RNPEP: variants seen among roughly 807,000 people sequenced by gnomAD.
RNPEP encodes arginyl aminopeptidase.
In RNPEP, 57 loss-of-function variants were observed where a neutral mutation model predicts 70.1. The ratio of observed to expected loss-of-function variants is 0.81; its 90% confidence interval spans 0.66 to 1.01. The LOEUF (loss-of-function observed/expected upper bound fraction) is 1.01. Among genes scored for constraint, RNPEP ranks in the 50% least tolerant of loss-of-function variants. The pLI, the probability that RNPEP is intolerant of heterozygous loss-of-function variation, is 0.00. For synonymous variants in RNPEP, 335 were observed against 357.4 expected, an observed-to-expected ratio of 0.94 and a Z score of 0.71; for missense variants, 787 against 852.4, an observed-to-expected ratio of 0.92 and a Z score of 0.96.
chr1:201,997,567 C>A lies in RNPEP; in HGVS notation c.1090+13C>A, dbSNP rs757425764. The A allele has an allele frequency of 6.3e-7, 1 of 1,599,042 alleles. No homozygotes were observed. Among genetic ancestry groups the A allele is most frequent in the South Asian group, 1.1e-5 (1 of 90,716 alleles). On this transcript the variant is annotated intron_variant, in intron 5 of 10. Transcript: ENST00000295640. ...ACCATCCTCTTTGGTAAAGTGCCCA[C>A]CCCTCTCCTAAGGAGTCTGCCTCCC... is the stretch of plus-strand genomic sequence containing the variant.
Position 202,001,807 on chromosome 1 carries a change from T to C in RNPEP, c.1426+40T>C, listed in dbSNP as rs180870009. The C allele has an allele frequency of 8.1e-6, 10 of 1,228,040 alleles. No individual in the cohort carries two copies. In the African/African-American group the frequency reaches 1.5e-4, roughly 18 times the overall value. The allele number at this position is 1,228,040 out of a possible 1,614,324, so 76.1% of individuals were successfully genotyped here. ...TGGCCCACAGGCTTCTAAAAAATAG[T>C]AGAGAATGAGATCTCATTGACACTC... On this transcript the variant is annotated intron_variant, in intron 8 of 10. Transcript: ENST00000295640.
Position 201,982,993 on chromosome 1 carries a change from C to T in RNPEP, c.327C>T (p.Ser109=), listed in dbSNP as rs1311953177. The change falls in exon 1 of 11, where the codon AGC becomes AGT. Residue 109 remains serine (S), a synonymous_variant. Transcript: ENST00000295640. The part of the protein sequence containing the change: ...GSEEPPAEPV[S]FYTQPFSHYG... ...AGGAGCCGCCTGCGGAGCCCGTGAG[C>T]TTCTACACGCAGCCCTTCTCGCACT... 1.3e-6 allele frequency: 2 copies of T among 1,520,454 alleles called. No individual in the cohort carries two copies. Among genetic ancestry groups the T allele is most frequent in the Non-Finnish European group, 1.8e-6 (2 of 1,136,194 alleles). The allele number at this position is 1,520,454 out of a possible 1,614,324, so 94.2% of individuals were successfully genotyped here.
intron 6 of RNPEP, chr1:202,000,248 C>T (rs981664614): frequency 2.4e-5 from 10 of 420,666 alleles, no homozygotes; most frequent in Admixed American, 1.2e-4. Context: ...TTCACCATTG[C>T]TTTGCATTTG....
In RNPEP at chr1:201,997,540, C is replaced by T. The variant is rs553497420; in HGVS notation, c.1076C>T (p.Ser359Phe). 28 of 1,612,554 alleles carry T rather than the reference C, an allele frequency of 1.7e-5. No individual in the cohort carries two copies. The South Asian group carries it at 3.1e-4, about 18-fold the overall frequency. Residue 359 changes from serine to phenylalanine, a missense_variant, in exon 5 of 11, where the codon TCC becomes TTC. Ser to Phe is a radical substitution (Grantham distance 155). Transcript: ENST00000295640. ...GFTMYAQRRI[S>F]TILFGAAYTC... ...ACCATGTACGCCCAGAGGAGGATCT[C>T]CACCATCCTCTTTGGTAAAGTGCCC...
intron 4 of RNPEP, chr1:201,996,465 T>TGTGTGTGTGTGTGTGTG (rs1683556285): frequency 1.8e-5 from 4 of 226,344 alleles, no homozygotes; most frequent in African/African-American, 9.9e-5. Context: ...ATGAGGTTCT[T>TGTGTGTGTGTGTGTGTG]TGTGTGTGTG....
chr1:201,986,767 C>T (rs1307611290), intron 1 of RNPEP, among the ~76,000 whole-genome samples: 4 of 150,758 alleles, frequency 2.7e-5, no homozygotes, highest in African/African-American at 7.3e-5. Flanking sequence ...CTTGAACTCC[C>T]GACCTCAGGT....
chr1:201,993,833 G>A (rs892811632), intron 3 of RNPEP, among the ~76,000 whole-genome samples: 1 of 152,002 alleles, frequency 6.6e-6, no homozygotes, highest in Non-Finnish European at 1.5e-5. Flanking sequence ...CTTCTGGCAC[G>A]ACACACTGTC....
At position 201,982,919 on chromosome 1, in the gene RNPEP, T is replaced by G; in HGVS notation, c.253T>G (p.Cys85Gly). The G allele has an allele frequency of 6.8e-7, 1 of 1,480,956 alleles. No homozygotes were observed. The highest frequency in any genetic ancestry group is 1.3e-5 in the South Asian group (1 of 76,812). 91.7% of individuals were successfully genotyped at this position (1,480,956 alleles called of 1,614,324 possible). ...CGAGCTGCGGCTGGACTCGCACCCG[T>G]GCCTGGAGGTGACGGCGGCGGCGCT... Reference protein sequence around the residue: ...AAELRLDSHPCLEVTAAALRR... With the variant: ...AAELRLDSHPGLEVTAAALRR... The change falls in exon 1 of 11, where the codon TGC becomes GGC. Residue 85 changes from cysteine (C) to glycine (G), a missense_variant. Cys to Gly is a radical substitution (Grantham distance 159). Transcript: ENST00000295640.
chr1:201,989,842 ATT>A (rs796951976), intron 3 of RNPEP, among the ~76,000 whole-genome samples: 6 of 142,234 alleles, frequency 4.2e-5, no homozygotes, highest in Admixed American at 7.0e-5. Context: ...TGGGAAATGG[ATT>A]TTTTTTTTTT....
intron 6 of RNPEP, 111 bp downstream of exon 6, chr1:202,000,126 G>T: frequency 5.1e-6 from 4 of 784,076 alleles, no homozygotes; most frequent in Non-Finnish European, 6.2e-6. Context: ...TTATTTGGAG[G>T]GAGGGGCACT....
Position 201,989,445 on chromosome 1 carries a change from GTTC to G in RNPEP, c.658_660del (p.Phe220del), listed in dbSNP as rs1558260744. The G allele has an allele frequency of 3.1e-6, 5 of 1,614,186 alleles. No homozygotes were observed. The highest frequency in any genetic ancestry group is 1.6e-4 in the Middle Eastern group (1 of 6,062). ...CCTGGGAGAAGAGAGGTCCAAATAA[GTTC>G]TTCTTCCAGATGTGTCAGCCCATCC... On this transcript the variant is annotated inframe_deletion, in exon 3 of 11. Transcript: ENST00000295640.
chr1:201,986,615 A>G (rs1178971068), intron 1 of RNPEP, among the ~76,000 whole-genome samples: 1 of 140,052 alleles, frequency 7.1e-6, no homozygotes, highest in Non-Finnish European at 1.5e-5. Flanking sequence ...ATCTCGGCTC[A>G]CTGCAACCTC....
chr1:201,989,718 A>T (rs1023423180), intron 3 of RNPEP, among the ~76,000 whole-genome samples, 187 bp downstream of exon 3: 3 of 150,400 alleles, frequency 2.0e-5, no homozygotes, highest in Non-Finnish European at 4.4e-5. Context: ...TGCCTTTCTC[A>T]CTCCCTCTCT....
In RNPEP at chr1:202,004,473, G is replaced by T. The variant is rs1130791; in HGVS notation, c.1771G>T (p.Val591Leu). ...CGACCACCAGGAAGATTTCTGGAAA[G>T]TGAAGGAGTTCCTGCATAACCAGGT... The part of the protein sequence containing the change: ...KNDHQEDFWK[V>L]KEFLHNQGKQ... Residue 591 changes from valine (V) to leucine (L), a missense_variant, in exon 10 of 11, where the codon GTG becomes TTG. Transcript: ENST00000295640. 6.2e-7 allele frequency: 1 copy of T among 1,613,904 alleles called. No individual in the cohort carries two copies. Among genetic ancestry groups the T allele is most frequent in the Non-Finnish European group, 8.5e-7 (1 of 1,180,040 alleles).
At chr1:201,991,241 A>G (rs1361935661) in intron 3 of RNPEP, among the ~76,000 whole-genome samples, 1 of 152,090 alleles carries the variant, frequency 6.6e-6, no homozygotes, top group Non-Finnish European at 1.5e-5. Context: ...CAGCCTCCCA[A>G]GTAGCTGGGA....
intron 1 of RNPEP, chr1:201,983,853 T>C: frequency 9.9e-7 from 1 of 1,006,508 alleles, no homozygotes; most frequent in Non-Finnish European, 1.2e-6. Context: ...TCCTGGAGAG[T>C]CCTTAGGCTG....
chr1:202,005,806 C>A lies in RNPEP; in HGVS notation c.*90C>A. 1 of 1,452,512 alleles carries A rather than the reference C, an allele frequency of 6.9e-7. No individual in the cohort carries two copies. Among genetic ancestry groups the A allele is most frequent in the Admixed American group, 1.7e-5 (1 of 57,850 alleles). The allele number at this position is 1,452,512 out of a possible 1,614,324, so 90.0% of individuals were successfully genotyped here. ...CAAATTCCTGTTCCCTGATCAACTT[C>A]CTGGAGTTTATATCCCCTCAGGATA... On this transcript the variant is annotated 3_prime_UTR_variant, in exon 11 of 11. Coordinates refer to ENST00000295640, the MANE Select transcript of RNPEP (RefSeq NM_020216.4).
intron 6 of RNPEP, chr1:202,000,220 TG>T: frequency 2.0e-6 from 1 of 501,966 alleles, no homozygotes; most frequent in South Asian, 3.0e-5. Context: ...CTGTCCAGTC[TG>T]TGCGGTTCGT....
At chr1:202,001,913 G>A in intron 8 of RNPEP, 146 bp downstream of exon 8, 3 of 622,034 alleles carry the variant, frequency 4.8e-6, no homozygotes, top group Non-Finnish European at 8.6e-6. Flanking sequence ...CCAGAATCCT[G>A]GGATTTATTC....
Sources: allele counts gnomAD v4.1 joint callset (sites outside exome capture counted in the v4.1 genomes callset), GRCh38; gene constraint gnomAD v4.1.1; transcripts MANE v1.5; gene names NCBI Gene and HGNC (gene_info 2026-07-23, HGNC 2026-07-21).